The following FRMPD1 variants were observed in gnomAD, a reference collection of about 807,000 sequenced individuals.
FRMPD1 encodes the protein FERM and PDZ domain-containing protein 1.
Under a neutral mutation model 117.8 loss-of-function variants are expected in FRMPD1, and 76 were observed. The observed-to-expected ratio is 0.65, with a 90% CI of 0.54 to 0.78. The LOEUF (loss-of-function observed/expected upper bound fraction) is 0.78. Ranked by LOEUF, FRMPD1 falls within the 30% of genes least tolerant of loss-of-function variation. FRMPD1 has a pLI of 0.00. For missense variants in FRMPD1, 1,786 were observed against 1,964.5 expected, an observed-to-expected ratio of 0.91 and a Z score of 1.72; for synonymous variants, 783 against 770.4, an observed-to-expected ratio of 1.02 and a Z score of -0.27.
the FRMPD1 span, among the ~76,000 whole-genome samples, chr9:37,621,099 G>A: frequency 6.6e-6 from 1 of 152,208 alleles, no homozygotes; most frequent in African/African-American, 2.4e-5. Context: ...GAGAGAAGGA[G>A]TGACTGACTG....
the FRMPD1 span, among the ~76,000 whole-genome samples, chr9:37,603,933 G>A: frequency 6.6e-6 from 1 of 152,160 alleles, no homozygotes; most frequent in Admixed American, 6.5e-5. Flanking sequence ...GCCCACCTCA[G>A]CCTCCAAAGT....
At chr9:37,716,866 C>A (rs1381446366) in intron 5 of FRMPD1, among the ~76,000 whole-genome samples, 2 of 152,126 alleles carry the variant, frequency 1.3e-5, no homozygotes, top group East Asian at 3.9e-4. Context: ...TGACCTTGCC[C>A]CCCAAATTCT....
At chr9:37,731,229 G>A (rs953458248) in intron 9 of FRMPD1, 126 bp downstream of exon 9, 4 of 802,178 alleles carry the variant, frequency 5.0e-6, no homozygotes, top group Non-Finnish European at 2.1e-6. Context: ...ATCTGAAGGA[G>A]AATGGGCCTG....
rs74534398 is a variant in FRMPD1 at position 37,700,121 on chromosome 9, A to C, written c.102-7295A>C. On this transcript the variant is annotated intron_variant, in intron 2 of 15. Coordinates refer to ENST00000377765, the MANE Select transcript of FRMPD1 (RefSeq NM_014907.3). ...CCCTTTTAGGCAACAATTTTTTTTT[A>C]TTGTGTCTTGACCCATAGGCAAAAG... Among the ~76,000 whole-genome samples, 1,186 of 152,024 alleles carry C rather than the reference A, an allele frequency of 7.8e-3. 14 individuals are homozygous for C. Among genetic ancestry groups the C allele is most frequent in the African/African-American group, 0.027 (1,111 of 41,482 alleles).
Position 37,740,245 on chromosome 9 carries a change from C to T in FRMPD1, c.1717C>T (p.Pro573Ser), listed in dbSNP as rs756383275. The change falls in exon 15 of 16, where the codon CCC becomes TCC. Residue 573 changes from proline (P) to serine (S), a missense_variant. Physicochemically the swap from Pro to Ser is moderately conservative, Grantham distance 74 (BLOSUM62 -1). Transcript: ENST00000377765. This position sits in a 1 kb window ranked among gnomAD's most constrained non-coding sequence, Gnocchi z 4.2. ...SPTPEVARRGPSTCGASSTTD... is the reference protein window; with the variant it reads ...SPTPEVARRGSSTCGASSTTD... The stretch of plus-strand genomic sequence containing the variant: ...CACACCTGAGGTGGCTAGGAGGGGC[C>T]CCAGCACCTGCGGGGCCAGCAGCAC... 5.0e-6 allele frequency: 8 copies of T among 1,613,960 alleles called. No individual in the cohort carries two copies. The South Asian group carries it at 7.7e-5, about 16-fold the overall frequency.
At chr9:37,717,220 G>A (rs1428067946) in intron 5 of FRMPD1, among the ~76,000 whole-genome samples, 1 of 151,160 alleles carries the variant, frequency 6.6e-6, no homozygotes. Context: ...CTTGTTCTTG[G>A]TAACTCCATA....
chr9:37,641,566 C>T, the FRMPD1 span, among the ~76,000 whole-genome samples: 1 of 152,174 alleles, frequency 6.6e-6, no homozygotes, highest in Admixed American at 6.5e-5. Context: ...CTTTCCAGAA[C>T]ATCCCCCTCT....
intron 15 of FRMPD1, among the ~76,000 whole-genome samples, chr9:37,743,069 A>C (rs887822222): frequency 6.6e-6 from 1 of 152,186 alleles, no homozygotes; most frequent in Admixed American, 6.5e-5. Context: ...CTGATTCTCA[A>C]GTGCTAGGCT....
intron 2 of FRMPD1, among the ~76,000 whole-genome samples, chr9:37,701,161 A>T (rs1822515146): frequency 6.6e-6 from 1 of 152,158 alleles, no homozygotes; most frequent in Admixed American, 6.5e-5. Flanking sequence ...GGAGGACCGC[A>T]CTCTGCCAAG....
chr9:37,732,246 C>T (rs910296355), intron 9 of FRMPD1, 58 bp from the exon 10 acceptor site: 14 of 1,581,496 alleles, frequency 8.9e-6, no homozygotes, highest in East Asian at 2.3e-5. Context: ...CCCGAGAGAA[C>T]GAGGGGACAC....
At chr9:37,624,796 C>T in the FRMPD1 span, among the ~76,000 whole-genome samples, 30 of 152,216 alleles carry the variant, frequency 2.0e-4, no homozygotes, top group African/African-American at 7.2e-4. Context: ...GTACTTTCCA[C>T]CCTACCAGCA....
In FRMPD1 at chr9:37,707,516, G is replaced by A. The variant is rs754153341; in HGVS notation, c.202G>A (p.Asp68Asn). The A allele has an allele frequency of 6.2e-7, 1 of 1,614,028 alleles. No homozygotes were observed. Among genetic ancestry groups the A allele is most frequent in the Non-Finnish European group, 8.5e-7 (1 of 1,179,902 alleles). Residue 68 changes from aspartate (D) to asparagine (N), a missense_variant, in exon 3 of 16, where the codon GAC (aspartate) becomes AAC (asparagine). By Grantham distance (23) the Asp-to-Asn change is conservative. Transcript: ENST00000377765. ...VKIDKDTLLQ[D>N]YGFHISESLP... Reference sequence around the variant, plus strand: ...GATAGACAAAGACACCCTCCTCCAGGACTATGGATTTCACATTTCTGAGAG... The same window carrying A: ...GATAGACAAAGACACCCTCCTCCAGAACTATGGATTTCACATTTCTGAGAG...
At chr9:37,615,073 C>A in the FRMPD1 span, among the ~76,000 whole-genome samples, 24 of 152,224 alleles carry the variant, frequency 1.6e-4, no homozygotes, top group African/African-American at 4.8e-4. Context: ...GCTTGTCTGA[C>A]CTTGCAGGGT....
chr9:37,734,120 C>A (rs1430056361), intron 12 of FRMPD1, among the ~76,000 whole-genome samples: 1 of 152,232 alleles, frequency 6.6e-6, no homozygotes, highest in Non-Finnish European at 1.5e-5. Flanking sequence ...AGGCCTATTG[C>A]TGTGGAGTTT....
At chr9:37,691,287 T>C (rs559282361) in intron 1 of FRMPD1, among the ~76,000 whole-genome samples, 26 of 152,326 alleles carry the variant, frequency 1.7e-4, no homozygotes, top group Non-Finnish European at 3.8e-4. Context: ...TAGGTAGGTA[T>C]TTCCATATTT....
At chr9:37,620,181 T>C in the FRMPD1 span, among the ~76,000 whole-genome samples, 1 of 152,228 alleles carries the variant, frequency 6.6e-6, no homozygotes, top group African/African-American at 2.4e-5. Flanking sequence ...AATTCCATTT[T>C]ACCCTTCACT....
chr9:37,707,367 A>T, intron 2 of FRMPD1, 49 bp from the exon 3 acceptor site: 2 of 1,559,894 alleles, frequency 1.3e-6, no homozygotes, highest in Non-Finnish European at 1.8e-6. Context: ...TTCGTGACCA[A>T]CAACTAGAGT....
rs1237176375 is a variant in FRMPD1 at position 37,746,011 on chromosome 9, C to G, written c.3979C>G (p.Pro1327Ala). ...GFAGMNEMVAPRIGMDQCSCQ... is the reference protein window; with the variant it reads ...GFAGMNEMVAARIGMDQCSCQ... ...TGCAGGCATGAATGAGATGGTGGCT[C>G]CCAGGATAGGGATGGACCAGTGCAG... is the stretch of plus-strand genomic sequence containing the variant. Residue 1327 changes from proline (P) to alanine (A), a missense_variant, in exon 16 of 16, where the codon CCC (proline) becomes GCC (alanine). By Grantham distance (27) the Pro-to-Ala change is conservative. Transcript: ENST00000377765. The G allele has an allele frequency of 3.1e-6, 5 of 1,614,074 alleles. No homozygotes were observed. In the African/African-American group the frequency reaches 5.3e-5, roughly 17 times the overall value.
chr9:37,744,458 C>G lies in FRMPD1; in HGVS notation c.2426C>G (p.Pro809Arg). The G allele has an allele frequency of 6.2e-7, 1 of 1,614,096 alleles. No individual in the cohort carries two copies. Among genetic ancestry groups the G allele is most frequent in the African/African-American group, 1.3e-5 (1 of 75,018 alleles). ...SLQNKASTSSPENSLPCGPDG... is the reference protein window; with the variant it reads ...SLQNKASTSSRENSLPCGPDG... ...CAGAATAAGGCCAGCACTTCTAGCC[C>G]TGAGAACAGCCTGCCTTGTGGGCCA... The change falls in exon 16 of 16, where the codon CCT becomes CGT. Residue 809 changes from proline (P) to arginine (R), a missense_variant. Physicochemically the swap from Pro to Arg is moderately radical, Grantham distance 103 (BLOSUM62 -2). Coordinates refer to ENST00000377765, the MANE Select transcript of FRMPD1 (RefSeq NM_014907.3).
Sources: gnomAD v4.1 joint callset for allele counts (sites outside exome capture counted in the v4.1 genomes callset) on GRCh38, gnomAD v4.1.1 for gene constraint, Gnocchi (gnomAD v3.1) non-coding constraint, MANE v1.5 for transcripts, NCBI Gene and HGNC (gene_info 2026-07-23, HGNC 2026-07-21) for gene names.